The following KIFC3 variants were observed in gnomAD, a reference collection of about 807,000 sequenced individuals.
KIFC3 encodes kinesin-like protein KIFC3.
Under a neutral mutation model 101.8 loss-of-function variants are expected in KIFC3, and 60 were observed. The observed-to-expected ratio is 0.59, with a 90% CI of 0.48 to 0.73. The LOEUF (loss-of-function observed/expected upper bound fraction) is 0.73, where lower values mean the gene tolerates loss of function less well. Among genes scored for constraint, KIFC3 ranks in the 30% least tolerant of loss-of-function variants. KIFC3 has a pLI of 0.00. For missense variants in KIFC3, 966 were observed against 1,137.1 expected, an observed-to-expected ratio of 0.85 and a Z score of 2.16; for synonymous variants, 476 against 482.7, an observed-to-expected ratio of 0.99 and a Z score of 0.18.
intron 1 of KIFC3, among the ~76,000 whole-genome samples, chr16:57,822,707 TA>T (rs1236360613): frequency 6.6e-6 from 1 of 151,440 alleles, no homozygotes; most frequent in African/African-American, 2.4e-5. Context: ...AAAAAATAAA[TA>T]AAATAAAATA....
intron 3 of KIFC3, chr16:57,775,923 CA>C: frequency 4.1e-6 from 4 of 985,612 alleles, no homozygotes; most frequent in Non-Finnish European, 4.8e-6. Context: ...GGGCCTGCTG[CA>C]GGGGGCGTCA....
chr16:57,827,589 A>T (rs1261193913), intron 1 of KIFC3, among the ~76,000 whole-genome samples: 2 of 151,996 alleles, frequency 1.3e-5, no homozygotes, highest in Non-Finnish European at 2.9e-5. Flanking sequence ...CATCACGACC[A>T]TTTTCAGGAC....
At chr16:57,782,021 G>A in intron 3 of KIFC3, 2 of 985,438 alleles carry the variant, frequency 2.0e-6, no homozygotes, top group Non-Finnish European at 2.4e-6. Flanking sequence ...GGAAAACAAG[G>A]CAGAGTGTAC....
At chr16:57,831,266 G>T (rs1476329470) in intron 1 of KIFC3, among the ~76,000 whole-genome samples, 2 of 152,162 alleles carry the variant, frequency 1.3e-5, no homozygotes, top group Non-Finnish European at 2.9e-5. Context: ...TAACCCCACG[G>T]GGGGTTCTCA....
upstream of KIFC3, among the ~76,000 whole-genome samples, chr16:57,803,989 C>T (rs782033969): frequency 5.3e-5 from 8 of 151,990 alleles, no homozygotes; most frequent in African/African-American, 1.4e-4. Context: ...GTTGATGGGG[C>T]GGGGGATGGG....
Position 57,797,871 on chromosome 16 carries a change from T to C in KIFC3, c.172+201A>G, listed in dbSNP as rs2054464142. On this transcript the variant is annotated intron_variant, in intron 2 of 19. Transcript: ENST00000445690. Reference sequence around the variant, plus strand: ...AACCCGGCTTCCAGGTCTCCTCTTTTCCAGACAGGGGCGCAGGGAAGGAGC... The same window carrying C: ...AACCCGGCTTCCAGGTCTCCTCTTTCCCAGACAGGGGCGCAGGGAAGGAGC... 7 of 1,459,368 alleles carry C rather than the reference T, an allele frequency of 4.8e-6. No homozygotes were observed. The South Asian group carries it at 1.0e-4, about 21-fold the overall frequency. The allele number at this position is 1,459,368 out of a possible 1,614,324, so 90.4% of individuals were successfully genotyped here. A position where few individuals can be genotyped will look rare whatever the true frequency, so the allele number is the denominator to read the frequency against.
At chr16:57,836,691 T>C (rs1237536962) in intron 1 of KIFC3, among the ~76,000 whole-genome samples, 1 of 152,124 alleles carries the variant, frequency 6.6e-6, no homozygotes, top group African/African-American at 2.4e-5. Flanking sequence ...CCTTTATGTA[T>C]TTTTGTTCTT....
chr16:57,786,051 C>T (rs948831230), intron 3 of KIFC3, among the ~76,000 whole-genome samples: 8 of 152,168 alleles, frequency 5.3e-5, no homozygotes, highest in Non-Finnish European at 8.8e-5. Flanking sequence ...CTTGTAGGAA[C>T]GTTATTTCTT....
intron 1 of KIFC3, among the ~76,000 whole-genome samples, chr16:57,829,308 C>T (rs1474087344): frequency 1.3e-5 from 2 of 152,048 alleles, no homozygotes; most frequent in African/African-American, 4.8e-5. Context: ...GGCTGGAGTG[C>T]AGTGGCACAA....
chr16:57,772,146 C>A, intron 4 of KIFC3, 77 bp downstream of exon 4: 7 of 1,286,514 alleles, frequency 5.4e-6, no homozygotes, highest in Non-Finnish European at 7.7e-6. Flanking sequence ...GAGGGTCGCA[C>A]CCCTGCCCCT....
At chr16:57,783,034 G>C (rs764693682) in intron 3 of KIFC3, among the ~76,000 whole-genome samples, 2 of 152,224 alleles carry the variant, frequency 1.3e-5, no homozygotes, top group Non-Finnish European at 2.9e-5. Flanking sequence ...TTGTGGGAGT[G>C]GGGTAAGCTC....
chr16:57,795,884 G>GTTT lies in KIFC3; in HGVS notation c.173-746_173-744dup, dbSNP rs797031930. ...ACATTCTGTTTTTTTGGGCTTTTTT[G>GTTT]TTTTTTTTTTTTTTTTTTTTTTTTT... is the stretch of plus-strand genomic sequence containing the variant. On this transcript the variant is annotated intron_variant, in intron 2 of 19. Coordinates refer to ENST00000445690, the MANE Select transcript of KIFC3 (RefSeq NM_001130100.2). Among the ~76,000 whole-genome samples, 209 of 58,740 alleles carry GTTT rather than the reference G, an allele frequency of 3.6e-3. 11 individuals are homozygous for GTTT. The highest frequency in any genetic ancestry group is 4.4e-3 in the Non-Finnish European group (108 of 24,478). The allele number at this position is 58,740 out of a possible 152,430, so 38.5% of individuals were successfully genotyped here.
rs782478570 is a variant in KIFC3, at chr16:57,760,454, C to A, written c.2233-38G>T. On this transcript the variant is annotated intron_variant, in intron 16 of 19. Coordinates refer to ENST00000445690, the MANE Select transcript of KIFC3 (RefSeq NM_001130100.2). ...AGAGCTCACTGCCCACCCGGGCCAG[C>A]TGGAGGGGCAACAGGGTCACGAGAG... 5.6e-6 allele frequency: 9 copies of A among 1,599,838 alleles called. No homozygotes were observed. In the African/African-American group the frequency reaches 1.1e-4, roughly 19 times the overall value.
At chr16:57,798,746 T>C (rs1312134381) in intron 1 of KIFC3, 1 of 186,184 alleles carries the variant, frequency 5.4e-6, no homozygotes, top group Non-Finnish European at 1.1e-5. Flanking sequence ...GAGCAGTGAA[T>C]GCTCTGAATA....
intron 3 of KIFC3, among the ~76,000 whole-genome samples, chr16:57,780,441 G>A (rs1568003324): frequency 6.6e-6 from 1 of 151,824 alleles, no homozygotes; most frequent in Non-Finnish European, 1.5e-5. Flanking sequence ...AACTCAGGAG[G>A]CAGAGGTTGC....
intron 3 of KIFC3, chr16:57,788,536 C>A: frequency 7.9e-7 from 1 of 1,272,606 alleles, no homozygotes; most frequent in African/African-American, 1.5e-5. Flanking sequence ...GCGCTGGCTT[C>A]ACTGGGGAGT....
In KIFC3 at chr16:57,765,478, G is replaced by A; in HGVS notation, c.1493C>T (p.Pro498Leu). 6.3e-7 allele frequency: 1 copy of A among 1,585,116 alleles called. No individual in the cohort carries two copies. The highest frequency in any genetic ancestry group is 8.6e-7 in the Non-Finnish European group (1 of 1,164,442). ...VSFELDKVFS[P>L]QASQQDVFQE... is the part of the protein sequence containing the mutation. The stretch of plus-strand genomic sequence containing the variant: ...ACTCACGTCCTGCTGCGAGGCCTGT[G>A]GGGAGAAGACCTTGTCCAGCTCGAA... Residue 498 changes from proline (P) to leucine (L), a missense_variant, in exon 11 of 20, where the codon CCA (proline) becomes CTA (leucine). Coordinates refer to ENST00000445690, the MANE Select transcript of KIFC3 (RefSeq NM_001130100.2).
rs1285089152 is a variant in KIFC3 at position 57,770,509 on chromosome 16, C to T, written c.939+18G>A. 1 of 1,380,132 alleles carries T rather than the reference C, an allele frequency of 7.2e-7. No homozygotes were observed. The highest frequency in any genetic ancestry group is 1.5e-5 in the African/African-American group (1 of 66,428). The allele number at this position is 1,380,132 out of a possible 1,614,324, so 85.5% of individuals were successfully genotyped here. ...CTGGCTTCCTGGCTGGGCATGTGCCCCCACACAGCCTGGGTACCTGCGCCC... is the reference window on the plus strand; with the variant it reads ...CTGGCTTCCTGGCTGGGCATGTGCCTCCACACAGCCTGGGTACCTGCGCCC... On this transcript the variant is annotated intron_variant, in intron 7 of 19. Coordinates refer to ENST00000445690, the MANE Select transcript of KIFC3 (RefSeq NM_001130100.2).
chr16:57,790,031 C>CCAGCAGGAATATTCCTAAATATAAGAGG (rs2053716331), intron 3 of KIFC3, among the ~76,000 whole-genome samples: 1 of 148,184 alleles, frequency 6.7e-6, no homozygotes, highest in Non-Finnish European at 1.5e-5. Flanking sequence ...GCCACTGCGC[C>CCAGCAGGAATATTCCTAAATATAAGAGG]TGGCCATTTT....
Sources: allele counts gnomAD v4.1 joint callset (sites outside exome capture counted in the v4.1 genomes callset), GRCh38; gene constraint gnomAD v4.1.1; transcripts MANE v1.5; gene names NCBI Gene and HGNC (gene_info 2026-07-23, HGNC 2026-07-21).